The following LIMS2 variants were observed in gnomAD, a reference collection of about 807,000 sequenced individuals.
LIMS2 encodes LIM and senescent cell antigen-like-containing domain protein 2.
A neutral mutation model predicts 45.3 loss-of-function variants in LIMS2; 30 were observed. The ratio of observed to expected loss-of-function variants is 0.66; its 90% CI spans 0.50 to 0.90. The LOEUF is 0.90. Among genes scored for constraint, LIMS2 ranks in the 40% least tolerant of loss-of-function variants. LIMS2 has a pLI of 0.00. For synonymous variants in LIMS2, 173 were observed against 188.0 expected (o/e 0.92, Z 0.65); for missense variants, 485 against 468.7 (o/e 1.03, Z -0.32).
chr2:127,669,145 G>A (rs145752955), intron 1 of LIMS2, among the ~76,000 whole-genome samples: 10 of 152,244 alleles, frequency 6.6e-5, no homozygotes, highest in African/African-American at 2.4e-4. Flanking sequence ...TTTGACAAGA[G>A]TGCCAAGACC....
intron 1 of LIMS2, among the ~76,000 whole-genome samples, chr2:127,673,296 T>C (rs1685353744): frequency 6.6e-6 from 1 of 152,232 alleles, no homozygotes. Flanking sequence ...TTTATGTTTC[T>C]GTTATCTTTT....
At chr2:127,649,276 A>C (rs1271029555) in intron 4 of LIMS2, among the ~76,000 whole-genome samples, 2 of 152,104 alleles carry the variant, frequency 1.3e-5, no homozygotes, top group Non-Finnish European at 2.9e-5. Flanking sequence ...GTGCAGAGCC[A>C]GGCTCGCCCA....
intron 2 of LIMS2, 58 bp downstream of exon 2, chr2:127,657,345 C>T (rs1224412703): frequency 8.1e-6 from 13 of 1,602,826 alleles, no homozygotes; most frequent in Admixed American, 5.0e-5. Context: ...CCGGCCCACC[C>T]GCTCATAGAG....
intron 2 of LIMS2, 90 bp downstream of exon 2, chr2:127,657,313 A>T: frequency 6.7e-7 from 1 of 1,490,138 alleles, no homozygotes; most frequent in Non-Finnish European, 9.3e-7. Flanking sequence ...CCCTGTCACC[A>T]GTCGGGACCA....
Position 127,664,619 on chromosome 2 carries a change from C to T in LIMS2, c.12-7057G>A, listed in dbSNP as rs1171288138. ...ATTGTTCGCGCCGCGGGGGCAGCTC[C>T]TGAAAGCTGAGGCTGGCGGGGGTTG... On this transcript the variant is annotated intron_variant, in intron 1 of 9. Coordinates refer to ENST00000355119, the MANE Select transcript of LIMS2 (RefSeq NM_001161403.3). The surrounding 1 kb of genome is among the most constrained non-coding windows in gnomAD (Gnocchi z 5.5). 12 of 1,109,890 alleles carry T rather than the reference C, an allele frequency of 1.1e-5. No individual in the cohort carries two copies. In the African/African-American group the frequency reaches 1.5e-4, roughly 14 times the overall value. 68.8% of individuals were successfully genotyped at this position (1,109,890 alleles called of 1,614,324 possible).
In LIMS2 at chr2:127,675,184, G is replaced by T. The variant is rs1237831041; in HGVS notation, c.-160C>A. 1 of 502,540 alleles carries T rather than the reference G, an allele frequency of 2.0e-6. No homozygotes were observed. The highest frequency in any genetic ancestry group is 3.0e-6 in the Non-Finnish European group (1 of 329,264). The allele number at this position is 502,540 out of a possible 1,614,324, so 31.1% of individuals were successfully genotyped here. On this transcript the variant is annotated 5_prime_UTR_variant, in exon 1 of 10. Coordinates refer to ENST00000355119, the MANE Select transcript of LIMS2 (RefSeq NM_001161403.3). ...CTCCGCCCGCGAGAGGGGTGGGCGGGGGTGGCAGGGTGGGGCCCGCGGGGC... is the reference window on the plus strand; with the variant it reads ...CTCCGCCCGCGAGAGGGGTGGGCGGTGGTGGCAGGGTGGGGCCCGCGGGGC...
chr2:127,643,354 G>C (rs924396372), intron 4 of LIMS2: 1 of 521,030 alleles, frequency 1.9e-6, no homozygotes, highest in African/African-American at 1.9e-5. Context: ...TAAGCCTGGG[G>C]CATGCTGCAG....
Position 127,640,300 on chromosome 2 carries a change from AG to A in LIMS2, c.771del (p.Tyr258ThrfsTer6). 1 of 1,613,120 alleles carries A rather than the reference AG, an allele frequency of 6.2e-7. No homozygotes were observed. The highest frequency in any genetic ancestry group is 8.5e-7 in the Non-Finnish European group (1 of 1,179,962). ...CCTTCAATCACATGGCTGCAGTTGT[AG>A]CAGACGTCCCCGAAGAGCTGTGGGC... is the stretch of plus-strand genomic sequence containing the variant. ...THYNQLFGDV[C>X]YNCSHVIEGD... On this transcript the variant is annotated frameshift_variant, in exon 8 of 10. Coordinates refer to ENST00000355119, the MANE Select transcript of LIMS2 (RefSeq NM_001161403.3). LOFTEE classifies it high-confidence loss of function.
At chr2:127,662,189 CTCAACT>C (rs1684714998) in intron 1 of LIMS2, among the ~76,000 whole-genome samples, 1 of 152,218 alleles carries the variant, frequency 6.6e-6, no homozygotes, top group Non-Finnish European at 1.5e-5. Flanking sequence ...GACTCTGAAC[CTCAACT>C]TCCTCGTTTA....
intron 4 of LIMS2, chr2:127,648,146 T>C (rs3796082): frequency 0.42 from 415,867 of 984,638 alleles, 89,205 homozygotes; most frequent in South Asian, 0.44. Context: ...GGAACCTGGA[T>C]TCCTGGGGAA....
chr2:127,639,636 G>A (rs1466233778), intron 9 of LIMS2, among the ~76,000 whole-genome samples: 5 of 152,146 alleles, frequency 3.3e-5, no homozygotes, highest in African/African-American at 1.2e-4. Context: ...GCTTCTCTCA[G>A]GTTCTGAAAC....
rs1573748056 is a variant in LIMS2 at position 127,640,200 on chromosome 2, T to G, written c.803-55A>C. 1.9e-6 allele frequency: 3 copies of G among 1,612,330 alleles called. No individual in the cohort carries two copies. The East Asian group carries it at 6.7e-5, about 36-fold the overall frequency. On this transcript the variant is annotated intron_variant, in intron 8 of 9. Coordinates refer to ENST00000355119, the MANE Select transcript of LIMS2 (RefSeq NM_001161403.3). ...CTGGCTAGGCTGCCGCAGGCCCGGC[T>G]GGGCTCACAGCTGCAGCACCCAGGC...
chr2:127,670,656 C>T (rs767852249), intron 1 of LIMS2, among the ~76,000 whole-genome samples: 87 of 152,214 alleles, frequency 5.7e-4, no homozygotes, highest in Non-Finnish European at 9.0e-4. Flanking sequence ...TTAAAAAACA[C>T]GTGAGTAATG....
chr2:127,659,352 G>A (rs1684467533), intron 1 of LIMS2, among the ~76,000 whole-genome samples: 1 of 152,206 alleles, frequency 6.6e-6, no homozygotes, highest in South Asian at 2.1e-4. Context: ...GTGGCAACAG[G>A]AGTTGGGAAG....
chr2:127,641,291 C>A, intron 6 of LIMS2: 1 of 282,308 alleles, frequency 3.5e-6, no homozygotes, highest in Non-Finnish European at 6.9e-6. Flanking sequence ...CCCAGTCTGG[C>A]CTCCCCCTCG....
chr2:127,663,528 T>A (rs1460682272), intron 1 of LIMS2, among the ~76,000 whole-genome samples: 1 of 152,120 alleles, frequency 6.6e-6, no homozygotes. Flanking sequence ...GAGCTGAGAG[T>A]GGGCTATGCT....
rs1043272667 is a variant in LIMS2, at chr2:127,664,967, G to C, written c.12-7405C>G. On this transcript the variant is annotated intron_variant, in intron 1 of 9. Coordinates refer to ENST00000355119, the MANE Select transcript of LIMS2 (RefSeq NM_001161403.3). The surrounding 1 kb of genome is among the most constrained non-coding windows in gnomAD (Gnocchi z 5.5). Reference sequence around the variant, plus strand: ...GGGCAGAGCCGATCCTCTGGATCTGGCCAACAAATGGTCAGGCACCCCAAA... The same window carrying C: ...GGGCAGAGCCGATCCTCTGGATCTGCCCAACAAATGGTCAGGCACCCCAAA... Among the ~76,000 whole-genome samples, 82 of 152,198 alleles carry C rather than the reference G, an allele frequency of 5.4e-4. No individual in the cohort carries two copies. Among genetic ancestry groups the C allele is most frequent in the African/African-American group, 1.9e-3 (77 of 41,448 alleles).
intron 4 of LIMS2, among the ~76,000 whole-genome samples, chr2:127,649,155 G>GGA (rs1558878183): frequency 3.2e-4 from 44 of 135,744 alleles, no homozygotes; most frequent in Non-Finnish European, 4.7e-4. Context: ...AAGTGAGAGA[G>GGA]AGAGGAAGGT....
At chr2:127,654,294 T>C (rs1684083537) in intron 4 of LIMS2, 130 bp downstream of exon 4, 1 of 1,262,680 alleles carries the variant, frequency 7.9e-7, no homozygotes, top group Non-Finnish European at 1.1e-6. Flanking sequence ...GGAGGGCAGC[T>C]ACATCAGTGC....
Sources: allele counts gnomAD v4.1 joint callset (sites outside exome capture counted in the v4.1 genomes callset), GRCh38; gene constraint gnomAD v4.1.1; non-coding constraint Gnocchi (gnomAD v3.1); transcripts MANE v1.5; gene names NCBI Gene and HGNC (gene_info 2026-07-23, HGNC 2026-07-21).